The following CAMKMT variants were observed in gnomAD, a reference collection of about 807,000 sequenced individuals.
The protein encoded by CAMKMT is CaM KMT.
CAMKMT carries 53 observed loss-of-function variants against 48.0 expected under a neutral mutation model. That is an observed-to-expected ratio of 1.10 (90% CI 0.89 to 1.39). The LOEUF (loss-of-function observed/expected upper bound fraction) is 1.39. Ranked by LOEUF, CAMKMT falls within the 40% of genes most tolerant of loss-of-function variation. The pLI is 0.00. For missense variants in CAMKMT, 428 were observed against 402.7 expected (o/e 1.06, Z -0.54); for synonymous variants, 165 against 152.3 (o/e 1.08, Z -0.61).
intron 9 of CAMKMT, among the ~76,000 whole-genome samples, chr2:44,760,888 G>A (rs1680590340): frequency 6.6e-6 from 1 of 152,138 alleles, no homozygotes; most frequent in East Asian, 1.9e-4. Context: ...TGGAGAAGAG[G>A]ACAATGAATG....
intron 3 of CAMKMT, among the ~76,000 whole-genome samples, chr2:44,602,387 C>A (rs983913739): frequency 1.3e-5 from 2 of 152,024 alleles, no homozygotes; most frequent in African/African-American, 4.8e-5. Context: ...CCATAATTTA[C>A]TCAACCTGTT....
At chr2:44,482,181 T>A (rs1669006869) in intron 3 of CAMKMT, among the ~76,000 whole-genome samples, 1 of 152,050 alleles carries the variant, frequency 6.6e-6, no homozygotes, top group Admixed American at 6.6e-5. Context: ...ATGCCTGAAT[T>A]TGAGAAAGCA....
chr2:44,684,054 A>G (rs1344235147), intron 3 of CAMKMT, among the ~76,000 whole-genome samples: 4 of 152,076 alleles, frequency 2.6e-5, no homozygotes, highest in Non-Finnish European at 4.4e-5. Context: ...CCTAAATACA[A>G]CGTTCTGGGT....
chr2:44,735,745 A>C (rs543370350), intron 7 of CAMKMT, among the ~76,000 whole-genome samples: 1 of 151,854 alleles, frequency 6.6e-6, no homozygotes, highest in African/African-American at 2.4e-5. Flanking sequence ...CTACTGAAAA[A>C]AAAAAACAAA....
At chr2:44,516,739 A>ATTTT (rs749089273) in intron 3 of CAMKMT, among the ~76,000 whole-genome samples, 26 of 133,100 alleles carry the variant, frequency 2.0e-4, no homozygotes, top group African/African-American at 6.1e-4. Context: ...GTTTCTTGAG[A>ATTTT]TTTTTTTTTT....
intron 3 of CAMKMT, among the ~76,000 whole-genome samples, chr2:44,564,285 C>G (rs960182140): frequency 1.3e-5 from 2 of 151,496 alleles, no homozygotes; most frequent in Admixed American, 6.6e-5. Context: ...AAGCGATTCT[C>G]CTGCCTCAGC....
intron 7 of CAMKMT, among the ~76,000 whole-genome samples, chr2:44,719,407 C>A (rs1678343683): frequency 6.6e-6 from 1 of 152,112 alleles, no homozygotes; most frequent in African/African-American, 2.4e-5. Context: ...TTTTGACCAC[C>A]TTCTGTTTGC....
At chr2:44,554,833 A>G (rs987124706) in intron 3 of CAMKMT, among the ~76,000 whole-genome samples, 2 of 152,166 alleles carry the variant, frequency 1.3e-5, no homozygotes, top group African/African-American at 4.8e-5. Context: ...CCATGATCAT[A>G]CCCTGCACTC....
chr2:44,678,903 T>C (rs1333214347), intron 3 of CAMKMT, among the ~76,000 whole-genome samples: 2 of 152,184 alleles, frequency 1.3e-5, no homozygotes, highest in Non-Finnish European at 2.9e-5. Flanking sequence ...TTGGCCCAAA[T>C]CCTATTTTTC....
intron 3 of CAMKMT, among the ~76,000 whole-genome samples, chr2:44,619,794 A>G (rs1013332991): frequency 9.2e-5 from 14 of 152,176 alleles, no homozygotes; most frequent in Non-Finnish European, 2.1e-4. Context: ...TTCTGACCCT[A>G]TGGTTTCATA....
chr2:44,741,687 T>TTTTTGGTTA (rs1159757924), intron 7 of CAMKMT, among the ~76,000 whole-genome samples: 1 of 152,194 alleles, frequency 6.6e-6, no homozygotes, highest in African/African-American at 2.4e-5. Context: ...CTTTTAGGAA[T>TTTTTGGTTA]GTGTTATGGT....
intron 3 of CAMKMT, among the ~76,000 whole-genome samples, chr2:44,414,281 A>C (rs1052242494): frequency 1.3e-5 from 2 of 152,194 alleles, no homozygotes; most frequent in Admixed American, 1.3e-4. Context: ...TTATTATCTA[A>C]CAAAGTTCCT....
At chr2:44,492,636 T>C (rs1473498441) in intron 3 of CAMKMT, among the ~76,000 whole-genome samples, 1 of 152,156 alleles carries the variant, frequency 6.6e-6, no homozygotes. Context: ...CCGATGATGT[T>C]GGTTTGTGGG....
At chr2:44,535,956 A>G (rs886606051) in intron 3 of CAMKMT, among the ~76,000 whole-genome samples, 4 of 152,200 alleles carry the variant, frequency 2.6e-5, no homozygotes, top group African/African-American at 7.2e-5. Flanking sequence ...ATAATTTTAT[A>G]TTTAGAAAAA....
chr2:44,380,702 A>G (rs1680152935), intron 2 of CAMKMT, among the ~76,000 whole-genome samples: 1 of 152,206 alleles, frequency 6.6e-6, no homozygotes. Context: ...TATTAACATT[A>G]TTCTTTCATA....
chr2:44,427,837 C>T (rs1449390304), intron 3 of CAMKMT, among the ~76,000 whole-genome samples: 1 of 152,052 alleles, frequency 6.6e-6, no homozygotes, highest in African/African-American at 2.4e-5. Flanking sequence ...TGGGAGAGTT[C>T]CTTTGACCCC....
rs78016916 is a variant in CAMKMT, at chr2:44,681,991, G to A, written c.377-22292G>A. ...AGCTTCAAATACAAAGCTAATCCTC[G>A]GTCTCGATAAGTCTGCCCTTTTTTC... On this transcript the variant is annotated intron_variant, in intron 3 of 10. Transcript: ENST00000378494. Among the ~76,000 whole-genome samples, 174 of 152,280 alleles carry A rather than the reference G, an allele frequency of 1.1e-3. 1 individual carries two copies. Among genetic ancestry groups the A allele is most frequent in the African/African-American group, 4.0e-3 (166 of 41,552 alleles).
intron 3 of CAMKMT, among the ~76,000 whole-genome samples, chr2:44,473,180 TG>T (rs2104656749): frequency 6.6e-6 from 1 of 152,326 alleles, no homozygotes; most frequent in African/African-American, 2.4e-5. Context: ...ATCAGAGACA[TG>T]GATTATTATT....
At chr2:44,695,022 CTA>C (rs1676862413) in intron 3 of CAMKMT, among the ~76,000 whole-genome samples, 1 of 152,148 alleles carries the variant, frequency 6.6e-6, no homozygotes, top group Admixed American at 6.5e-5. Flanking sequence ...CTAGAATAAA[CTA>C]TTAATTTAAA....
Sources: allele counts gnomAD v4.1 joint callset (sites outside exome capture counted in the v4.1 genomes callset), GRCh38; gene constraint gnomAD v4.1.1; transcripts MANE v1.5; gene names NCBI Gene and HGNC (gene_info 2026-07-23, HGNC 2026-07-21).